The following NLRC5 variants were observed in gnomAD, a reference collection of about 807,000 sequenced individuals.
The protein encoded by NLRC5 is NLR family CARD domain containing 5, also known as protein NLRC5.
NLRC5 carries 114 observed loss-of-function variants against 206.9 expected under a neutral mutation model. That is an observed-to-expected ratio of 0.55 (90% CI 0.47 to 0.64). The LOEUF (loss-of-function observed/expected upper bound fraction) is 0.64. NLRC5 is among the 30% of genes least tolerant of loss of function. The pLI is 0.00. For missense variants in NLRC5, 2,008 were observed against 2,305.5 expected, an observed-to-expected ratio of 0.87 and a Z score of 2.64; for synonymous variants, 952 against 962.8, an observed-to-expected ratio of 0.99 and a Z score of 0.21.
rs1409757305 is a variant in NLRC5, at chr16:57,020,723, T to C, written c.11T>C (p.Val4Ala). The C allele has an allele frequency of 2.5e-6, 4 of 1,602,704 alleles. No individual in the cohort carries two copies. The highest frequency in any genetic ancestry group is 3.4e-5 in the Admixed American group (2 of 59,178). The change falls in exon 3 of 49, where the codon GTT (valine) becomes GCT (alanine). Residue 4 changes from valine (V) to alanine (A), a missense_variant. Val to Ala is a moderately conservative substitution (Grantham distance 64). Coordinates refer to ENST00000688547, the MANE Select transcript of NLRC5 (RefSeq NM_001384950.1). MDP[V>A]GLQLGNKNLW... The stretch of plus-strand genomic sequence containing the variant: ...CAGGGCTGGCTCCTCATGGACCCCG[T>C]TGGCCTCCAGCTCGGCAACAAGAAC...
At chr16:57,005,059 C>T (rs1319606651) in intron 1 of NLRC5, among the ~76,000 whole-genome samples, 5 of 152,254 alleles carry the variant, frequency 3.3e-5, no homozygotes, top group African/African-American at 7.2e-5. Flanking sequence ...TTTGATTACT[C>T]GGCCTCAGGG....
chr16:57,066,743 G>C, intron 34 of NLRC5, 129 bp downstream of exon 34: 1 of 805,048 alleles, frequency 1.2e-6, no homozygotes, highest in South Asian at 1.5e-5. Flanking sequence ...AGGCTACAGA[G>C]GTCTGACCAA....
At chr16:57,079,397 C>A in intron 45 of NLRC5, 105 bp downstream of exon 45, 1 of 1,421,206 alleles carries the variant, frequency 7.0e-7, no homozygotes, top group Non-Finnish European at 9.9e-7. Flanking sequence ...GATAGAAGCC[C>A]CAGGGATGGT....
At chr16:57,078,180 G>T (rs1216400250) in intron 43 of NLRC5, among the ~76,000 whole-genome samples, 160 bp downstream of exon 43, 1 of 152,202 alleles carries the variant, frequency 6.6e-6, no homozygotes, top group Non-Finnish European at 1.5e-5. Flanking sequence ...TCTGATGTCT[G>T]CAGCAAGAAA....
intron 1 of NLRC5, among the ~76,000 whole-genome samples, chr16:57,011,400 G>A (rs573829749): frequency 1.4e-5 from 2 of 142,476 alleles, no homozygotes; most frequent in South Asian, 2.5e-4. Flanking sequence ...GCGACAGAGG[G>A]AGACTCCGTC....
At chr16:57,055,376 G>C (rs1015496947) in intron 26 of NLRC5, 57 bp from the exon 27 acceptor site, 7 of 1,529,972 alleles carry the variant, frequency 4.6e-6, no homozygotes, top group Non-Finnish European at 6.3e-6. Context: ...CCAGGCCGGA[G>C]GGGGTCTCAG....
intron 43 of NLRC5, among the ~76,000 whole-genome samples, chr16:57,078,751 G>A (rs1236483347): frequency 1.3e-5 from 2 of 152,120 alleles, no homozygotes; most frequent in Non-Finnish European, 2.9e-5. Context: ...GATTACAGGC[G>A]TGAGCCACCA....
chr16:57,081,576 G>A lies in NLRC5; in HGVS notation c.5455G>A (p.Gly1819Arg). Residue 1819 changes from glycine to arginine, a missense_variant, in exon 48 of 49, where the codon GGA becomes AGA. Gly to Arg is a moderately radical substitution (Grantham distance 125). Coordinates refer to ENST00000688547, the MANE Select transcript of NLRC5 (RefSeq NM_001384950.1). Reference protein sequence around the residue: ...TALGAWLLAEGLAQGSSIQVI... With the variant: ...TALGAWLLAERLAQGSSIQVI... ...TTTGGGGGCCTGGCTCCTGGCTGAA[G>A]GACTGGCCCAGGGGTCTAGCATCCA... The A allele has an allele frequency of 6.2e-6, 10 of 1,614,136 alleles. No homozygotes were observed. Among genetic ancestry groups the A allele is most frequent in the Non-Finnish European group, 8.5e-6 (10 of 1,180,008 alleles).
intron 21 of NLRC5, among the ~76,000 whole-genome samples, chr16:57,046,094 C>T (rs555758745): frequency 3.3e-5 from 5 of 152,210 alleles, no homozygotes; most frequent in Non-Finnish European, 7.3e-5. Flanking sequence ...CACTGCCGTA[C>T]AGATGGGCTG....
At chr16:57,032,627 C>T (rs1250670374) in intron 11 of NLRC5, among the ~76,000 whole-genome samples, 2 of 151,908 alleles carry the variant, frequency 1.3e-5, no homozygotes, top group African/African-American at 4.8e-5. Context: ...ATTTCAACTG[C>T]TCAGTGGCCA....
Position 57,069,867 on chromosome 16 carries a change from C to T in NLRC5, c.4531C>T (p.Leu1511Phe), listed in dbSNP as rs1394957750. 6 of 1,602,382 alleles carry T rather than the reference C, an allele frequency of 3.7e-6. No individual in the cohort carries two copies. Among genetic ancestry groups the T allele is most frequent in the Non-Finnish European group, 5.1e-6 (6 of 1,175,320 alleles). The stretch of plus-strand genomic sequence containing the variant: ...CTCCAGCTGTGTGAGCACCGAGGGC[C>T]TCGCCCACCTGGCATCTGGTCTGGG... ...LTSSCVSTEG[L>F]AHLASGLGHC... The change falls in exon 37 of 49, where the codon CTC (leucine) becomes TTC (phenylalanine). Residue 1511 changes from leucine to phenylalanine, a missense_variant. By Grantham distance (22) the Leu-to-Phe change is conservative. Transcript: ENST00000688547.
At chr16:57,033,753 A>G in intron 12 of NLRC5, 84 bp downstream of exon 12, 1 of 1,323,904 alleles carries the variant, frequency 7.6e-7, no homozygotes. Flanking sequence ...GGCAGGGAGG[A>G]TAAAGGGAAA....
At chr16:57,041,857 C>T in intron 18 of NLRC5, 125 bp from the exon 19 acceptor site, 1 of 698,440 alleles carries the variant, frequency 1.4e-6, no homozygotes, top group Non-Finnish European at 2.4e-6. Context: ...CTGCTGAGAT[C>T]TGGCCTGGCA....
At chr16:57,007,828 G>A (rs528535646) in intron 1 of NLRC5, among the ~76,000 whole-genome samples, 1 of 152,162 alleles carries the variant, frequency 6.6e-6, no homozygotes, top group South Asian at 2.1e-4. Flanking sequence ...TTCAGTGTTG[G>A]TTTTTAGTAA....
intron 16 of NLRC5, among the ~76,000 whole-genome samples, chr16:57,040,223 T>G (rs1032031824): frequency 6.6e-6 from 1 of 152,108 alleles, no homozygotes; most frequent in African/African-American, 2.4e-5. Flanking sequence ...CAAGGACCCA[T>G]TAGGGTCCTG....
Position 57,082,462 on chromosome 16 carries a change from G to T in NLRC5, c.5535G>T (p.Lys1845Asn). ...PIPCDMAQHL[K>N]SQEPRLDFAF... ...CCTGCGACATGGCCCAGCACCTGAA[G>T]AGCCAGGAGCCCAGGCTGGACTTTG... The change falls in exon 49 of 49, where the codon AAG (lysine) becomes AAT (asparagine). Residue 1845 changes from lysine (K) to asparagine (N), a missense_variant. Coordinates refer to ENST00000688547, the MANE Select transcript of NLRC5 (RefSeq NM_001384950.1). 6.2e-7 allele frequency: 1 copy of T among 1,613,798 alleles called. No individual in the cohort carries two copies. Among genetic ancestry groups the T allele is most frequent in the Non-Finnish European group, 8.5e-7 (1 of 1,179,806 alleles).
chr16:57,010,059 C>T (rs866021356), intron 1 of NLRC5, among the ~76,000 whole-genome samples: 2 of 152,130 alleles, frequency 1.3e-5, no homozygotes, highest in African/African-American at 2.4e-5. Flanking sequence ...CATCTTTGGG[C>T]TTGAGCTCAA....
At chr16:57,013,080 A>G (rs1185750504) in intron 1 of NLRC5, 1 of 235,186 alleles carries the variant, frequency 4.3e-6, no homozygotes. Context: ...TTACCTGTAT[A>G]GTATTTAAAT....
At chr16:57,061,743 A>T (rs2066517172) in intron 32 of NLRC5, 42 bp downstream of exon 32, 3 of 1,584,594 alleles carry the variant, frequency 1.9e-6, no homozygotes, top group African/African-American at 2.7e-5. Flanking sequence ...CCATGGCATG[A>T]ATGGGAGCAG....
Sources: allele counts gnomAD v4.1 joint callset (sites outside exome capture counted in the v4.1 genomes callset), GRCh38; gene constraint gnomAD v4.1.1; transcripts MANE v1.5; gene names NCBI Gene and HGNC (gene_info 2026-07-23, HGNC 2026-07-21).